ROBO2: variants seen among roughly 807,000 people sequenced by gnomAD.
The protein encoded by ROBO2 is roundabout guidance receptor 2, also known as roundabout homolog 2.
In ROBO2, 53 loss-of-function variants were observed where a neutral mutation model predicts 160.8. That is an observed-to-expected ratio of 0.33 (90% CI 0.26 to 0.41). ROBO2 has a LOEUF of 0.41. ROBO2 is among the 10% of genes least tolerant of loss of function. The pLI is 1.00. For synonymous variants in ROBO2, 664 were observed against 611.7 expected (o/e 1.09, Z -1.26); for missense variants, 1,577 against 1,722.4 (o/e 0.92, Z 1.49).
chr3:76,435,443 G>C (rs2076629681), intron 2 of ROBO2: 4 of 767,796 alleles, frequency 5.2e-6, no homozygotes, highest in Non-Finnish European at 9.7e-6. Context: ...AGTGTCTCTG[G>C]GTTCTTTGCC....
intron 11 of ROBO2, chr3:77,564,673 A>G: frequency 2.0e-6 from 1 of 509,496 alleles, no homozygotes; most frequent in Non-Finnish European, 3.6e-6. Context: ...TTTTACAGGT[A>G]TTCATTTAGT....
At chr3:76,333,454 G>A (rs1346628138) in intron 2 of ROBO2, among the ~76,000 whole-genome samples, 1 of 152,120 alleles carries the variant, frequency 6.6e-6, no homozygotes, top group Non-Finnish European at 1.5e-5. Context: ...ACATAGTTAT[G>A]TATGACATAT....
At chr3:77,326,119 T>C (rs1343587461) in intron 2 of ROBO2, among the ~76,000 whole-genome samples, 1 of 152,224 alleles carries the variant, frequency 6.6e-6, no homozygotes, top group Non-Finnish European at 1.5e-5. Context: ...CTTTTTATCA[T>C]CCTCATAGCT....
At chr3:76,485,738 C>T (rs909040736) in intron 2 of ROBO2, among the ~76,000 whole-genome samples, 1 of 152,080 alleles carries the variant, frequency 6.6e-6, no homozygotes, top group Admixed American at 6.6e-5. Flanking sequence ...AGATTACATA[C>T]AAAATTTTGC....
At chr3:76,896,040 T>C (rs1231546311) in intron 2 of ROBO2, among the ~76,000 whole-genome samples, 1 of 152,156 alleles carries the variant, frequency 6.6e-6, no homozygotes, top group Non-Finnish European at 1.5e-5. Flanking sequence ...AGCTCAGTTC[T>C]TTACTTGCAA....
At chr3:76,932,312 A>G (rs931400721) in intron 2 of ROBO2, among the ~76,000 whole-genome samples, 4 of 152,200 alleles carry the variant, frequency 2.6e-5, no homozygotes, top group Admixed American at 2.6e-4. Flanking sequence ...CTAATTTAAA[A>G]AAGAACATTT....
chr3:77,339,137 GA>G (rs1434622207), intron 2 of ROBO2, among the ~76,000 whole-genome samples: 1 of 151,912 alleles, frequency 6.6e-6, no homozygotes, highest in East Asian at 1.9e-4. Flanking sequence ...CGGACATTAA[GA>G]AAGCTTTTCT....
At chr3:76,752,038 A>C (rs534587868) in intron 2 of ROBO2, among the ~76,000 whole-genome samples, 1 of 152,194 alleles carries the variant, frequency 6.6e-6, no homozygotes, top group African/African-American at 2.4e-5. Context: ...ACTTGGAACC[A>C]ACCCAAATGT....
At chr3:76,436,719 G>C (rs1235904554) in intron 2 of ROBO2, among the ~76,000 whole-genome samples, 2 of 152,072 alleles carry the variant, frequency 1.3e-5, no homozygotes, top group African/African-American at 4.8e-5. Flanking sequence ...GAAATCCCAG[G>C]AAGTTGAGCT....
rs190748525 is a variant in ROBO2 at position 77,525,387 on chromosome 3, G to C, written c.934+2485G>C. Among the ~76,000 whole-genome samples the C allele has an allele frequency of 2.7e-5, 4 of 147,664 alleles. No homozygotes were observed. In the East Asian group the frequency reaches 8.0e-4, roughly 29 times the overall value. ...GAGTTTATTGTCAAAATTTGAAACA[G>C]ATCTACTCAGTTATTTCCCATTTCA... On this transcript the variant is annotated intron_variant, in intron 6 of 25. Transcript: ENST00000461745.
chr3:76,595,004 G>T (rs138267572), intron 2 of ROBO2, among the ~76,000 whole-genome samples: 1 of 151,998 alleles, frequency 6.6e-6, no homozygotes, highest in Non-Finnish European at 1.5e-5. Context: ...AGTCATGGGG[G>T]TGGAGCCCTC....
chr3:76,536,616 A>T (rs1346049311), intron 2 of ROBO2, among the ~76,000 whole-genome samples: 6 of 151,466 alleles, frequency 4.0e-5, no homozygotes. Context: ...TGCTATTCCC[A>T]TCGGGGATCC....
At chr3:76,320,897 A>T (rs2072462401) in intron 2 of ROBO2, among the ~76,000 whole-genome samples, 1 of 152,212 alleles carries the variant, frequency 6.6e-6, no homozygotes, top group Non-Finnish European at 1.5e-5. Flanking sequence ...GGTAATTTGT[A>T]CACTTCATAT....
At chr3:76,218,032 C>T (rs1401855904) in intron 2 of ROBO2, among the ~76,000 whole-genome samples, 1 of 152,090 alleles carries the variant, frequency 6.6e-6, no homozygotes, top group Non-Finnish European at 1.5e-5. Flanking sequence ...AAATGTAATC[C>T]AGCATATAAA....
chr3:77,645,928 C>T (rs1024504744), intron 25 of ROBO2, 126 bp from the exon 28 acceptor site: 8 of 571,316 alleles, frequency 1.4e-5, no homozygotes, highest in African/African-American at 1.4e-4. Flanking sequence ...TACTTAAATT[C>T]ACAAACTCAT....
intron 2 of ROBO2, among the ~76,000 whole-genome samples, chr3:76,095,231 T>C (rs2069392983): frequency 6.6e-6 from 1 of 151,832 alleles, no homozygotes. Context: ...ACATGGGAGA[T>C]AAGCAGTAGT....
At chr3:76,242,891 CAACAACAACAA>C (rs1216742352) in intron 2 of ROBO2, among the ~76,000 whole-genome samples, 9 of 151,832 alleles carry the variant, frequency 5.9e-5, no homozygotes, top group East Asian at 1.9e-4. Context: ...CCTGTCATGT[CAACAACAACAA>C]AACAACAACA....
intron 22 of ROBO2, among the ~76,000 whole-genome samples, chr3:77,620,592 T>C (rs2094880911): frequency 6.6e-6 from 1 of 152,156 alleles, no homozygotes; most frequent in Admixed American, 6.5e-5. Context: ...AATACTAACT[T>C]GGGGCCTGAA....
At chr3:76,418,283 C>T (rs549911293) in intron 2 of ROBO2, among the ~76,000 whole-genome samples, 33 of 150,630 alleles carry the variant, frequency 2.2e-4, no homozygotes, top group African/African-American at 7.6e-4. Flanking sequence ...CTTGTTCTGC[C>T]GCCAGGCTGA....
Sources: allele counts gnomAD v4.1 joint callset (sites outside exome capture counted in the v4.1 genomes callset), GRCh38; gene constraint gnomAD v4.1.1; transcripts MANE v1.5; gene names NCBI Gene and HGNC (gene_info 2026-07-23, HGNC 2026-07-21).